The following FAM171A1 variants were observed in gnomAD, a reference collection of about 807,000 sequenced individuals.
FAM171A1 encodes family with sequence similarity 171 member A1, also known as protein FAM171A1.
In FAM171A1, 23 loss-of-function variants were observed where a neutral mutation model predicts 74.9. The observed-to-expected ratio is 0.31, with a 90% CI of 0.22 to 0.44. The LOEUF is 0.44. Ranked by LOEUF, FAM171A1 falls within the 20% of genes least tolerant of loss-of-function variation. FAM171A1 has a pLI of 1.00. For missense variants in FAM171A1, 1,162 were observed against 1,159.2 expected, an observed-to-expected ratio of 1.00 and a Z score of -0.03; for synonymous variants, 527 against 505.7, an observed-to-expected ratio of 1.04 and a Z score of -0.57.
chr10:15,370,578 C>T (rs1220454644), intron 1 of FAM171A1, among the ~76,000 whole-genome samples: 4 of 152,002 alleles, frequency 2.6e-5, no homozygotes, highest in Non-Finnish European at 5.9e-5. Context: ...GCGGCGCGCC[C>T]TGGGCGGCCC....
In FAM171A1 at chr10:15,218,695, C is replaced by T. The variant is rs373414565; in HGVS notation, c.871+2249G>A. Among the ~76,000 whole-genome samples the T allele has an allele frequency of 6.7e-4, 102 of 151,954 alleles. No homozygotes were observed. In the East Asian group the frequency reaches 8.4e-3, roughly 12 times the overall value. ...CTGCAGCCTTGAACTCCTGAGCTCA[C>T]GGGATCCTCCTGCCTCAACCTCTCA... On this transcript the variant is annotated intron_variant, in intron 6 of 7. Coordinates refer to ENST00000378116, the MANE Select transcript of FAM171A1 (RefSeq NM_001010924.2).
chr10:15,284,927 A>G (rs2131810307), intron 1 of FAM171A1, among the ~76,000 whole-genome samples: 1 of 151,302 alleles, frequency 6.6e-6, no homozygotes, highest in Non-Finnish European at 1.5e-5. Context: ...AGGTTAGAAA[A>G]AGAATAAAAA....
chr10:15,273,727 A>C (rs914908890), intron 3 of FAM171A1, among the ~76,000 whole-genome samples: 1 of 152,234 alleles, frequency 6.6e-6, no homozygotes, highest in Non-Finnish European at 1.5e-5. Context: ...AGACTGGTTC[A>C]ACATACGCAA....
chr10:15,272,708 C>T (rs536328127), intron 3 of FAM171A1, among the ~76,000 whole-genome samples: 13 of 152,176 alleles, frequency 8.5e-5, no homozygotes, highest in Non-Finnish European at 1.6e-4. Flanking sequence ...GACCACAGTG[C>T]AATCAAACTA....
intron 5 of FAM171A1, among the ~76,000 whole-genome samples, chr10:15,222,298 A>C (rs1239674904): frequency 2.0e-5 from 3 of 152,188 alleles, no homozygotes; most frequent in Non-Finnish European, 4.4e-5. Context: ...CTGAAAATGC[A>C]TTGTTCATCG....
At chr10:15,322,115 T>C (rs999128630) in intron 1 of FAM171A1, among the ~76,000 whole-genome samples, 3 of 152,228 alleles carry the variant, frequency 2.0e-5, no homozygotes, top group African/African-American at 7.2e-5. Context: ...TGGGTTATTA[T>C]ATCTTTTAAA....
At chr10:15,258,620 A>T (rs906574831) in intron 3 of FAM171A1, among the ~76,000 whole-genome samples, 1 of 152,036 alleles carries the variant, frequency 6.6e-6, no homozygotes, top group Non-Finnish European at 1.5e-5. Context: ...GCTTCTACCC[A>T]CAATGCATGC....
chr10:15,251,155 T>C (rs1360649775), intron 4 of FAM171A1, among the ~76,000 whole-genome samples: 1 of 152,154 alleles, frequency 6.6e-6, no homozygotes, highest in Non-Finnish European at 1.5e-5. Context: ...ATAAGTACAC[T>C]CAGCTTGAAA....
At chr10:15,225,265 C>A (rs969009681) in intron 5 of FAM171A1, among the ~76,000 whole-genome samples, 2 of 152,120 alleles carry the variant, frequency 1.3e-5, no homozygotes, top group Admixed American at 6.6e-5. Flanking sequence ...CAGGTGCAAT[C>A]AAAAAATAAT....
At chr10:15,275,413 A>G (rs1281766549) in intron 3 of FAM171A1, among the ~76,000 whole-genome samples, 4 of 151,756 alleles carry the variant, frequency 2.6e-5, no homozygotes, top group Non-Finnish European at 5.9e-5. Flanking sequence ...CAGCCTCCCA[A>G]GTAGATGGGA....
upstream of FAM171A1, among the ~76,000 whole-genome samples, chr10:15,374,330 C>A (rs1421353383): frequency 6.6e-6 from 1 of 152,114 alleles, no homozygotes; most frequent in African/African-American, 2.4e-5. Context: ...AGGGCTGGGG[C>A]CCCAAAGAGT....
intron 1 of FAM171A1, among the ~76,000 whole-genome samples, chr10:15,343,686 C>T (rs569506440): frequency 3.3e-5 from 5 of 152,278 alleles, no homozygotes; most frequent in African/African-American, 1.2e-4. Context: ...AGACAACAGC[C>T]ACTGCACAGG....
At chr10:15,327,858 C>A (rs1445178934) in intron 1 of FAM171A1, among the ~76,000 whole-genome samples, 3 of 151,442 alleles carry the variant, frequency 2.0e-5, no homozygotes, top group Admixed American at 6.6e-5. Context: ...TATCTGCACA[C>A]TAAACCCTAC....
chr10:15,284,395 T>C (rs1451934238), intron 1 of FAM171A1, among the ~76,000 whole-genome samples: 3 of 150,622 alleles, frequency 2.0e-5, no homozygotes, highest in Non-Finnish European at 2.9e-5. Context: ...CTTTTAAACA[T>C]TGGGCAACCA....
intron 1 of FAM171A1, among the ~76,000 whole-genome samples, chr10:15,320,732 T>C (rs969678602): frequency 6.6e-6 from 1 of 152,234 alleles, no homozygotes; most frequent in Non-Finnish European, 1.5e-5. Flanking sequence ...TTTCTTCCTG[T>C]TTGTTGGCCA....
intron 1 of FAM171A1, among the ~76,000 whole-genome samples, chr10:15,308,465 T>C (rs966677445): frequency 6.6e-6 from 1 of 152,202 alleles, no homozygotes; most frequent in African/African-American, 2.4e-5. Context: ...AACTCTATTT[T>C]ATTTCTATTA....
intron 3 of FAM171A1, among the ~76,000 whole-genome samples, chr10:15,272,094 T>C (rs914689454): frequency 6.6e-5 from 10 of 152,238 alleles, no homozygotes; most frequent in African/African-American, 1.2e-4. Flanking sequence ...GACAGGCACA[T>C]TGGATAAACA....
intron 3 of FAM171A1, among the ~76,000 whole-genome samples, chr10:15,259,339 C>T (rs1168995857): frequency 1.3e-5 from 2 of 152,180 alleles, no homozygotes; most frequent in Admixed American, 1.3e-4. Context: ...GCCTCACTCC[C>T]TTTTCATCTA....
intron 1 of FAM171A1, among the ~76,000 whole-genome samples, chr10:15,321,777 T>C (rs953377838): frequency 6.6e-6 from 1 of 152,222 alleles, no homozygotes; most frequent in Non-Finnish European, 1.5e-5. Flanking sequence ...GTATTTCATA[T>C]CATTACAAGC....
Sources: allele counts gnomAD v4.1 joint callset (sites outside exome capture counted in the v4.1 genomes callset), GRCh38; gene constraint gnomAD v4.1.1; transcripts MANE v1.5; gene names NCBI Gene and HGNC (gene_info 2026-07-23, HGNC 2026-07-21).